USP40: variants seen among roughly 807,000 people sequenced by gnomAD.
USP40 encodes the protein ubiquitin specific peptidase 40.
In USP40, 143 loss-of-function variants were observed where a neutral mutation model predicts 166.2. The ratio of observed to expected loss-of-function variants is 0.86; its 90% CI spans 0.75 to 0.99. The LOEUF is 0.99. Among genes scored for constraint, USP40 ranks in the 50% least tolerant of loss-of-function variants. The probability of loss-of-function intolerance (pLI) is 0.00; values close to 1 mark genes in which losing one functional copy is unlikely to be tolerated. For synonymous variants in USP40, 498 were observed against 524.0 expected (o/e 0.95, Z 0.68); for missense variants, 1,444 against 1,479.7 (o/e 0.98, Z 0.40).
intron 8 of USP40, chr2:233,547,023 G>C (rs1464578482): frequency 6.6e-6 from 1 of 152,174 alleles, no homozygotes; most frequent in Admixed American, 6.5e-5. Context: ...TGAGAGCAAT[G>C]CTTGTACAGC....
rs192114579 is a variant in USP40 at position 233,560,036 on chromosome 2, T to C, written c.268-112A>G. 7.8e-5 allele frequency: 48 copies of C among 612,538 alleles called. No individual in the cohort carries two copies. In the Admixed American group the frequency reaches 8.1e-4, roughly 10 times the overall value. 37.9% of individuals were successfully genotyped at this position (612,538 alleles called of 1,614,324 possible). A position where few individuals can be genotyped will look rare whatever the true frequency, so the allele number is the denominator to read the frequency against. ...ATCTCCCAGTTCATTCAGGAGAAAGTTTATAAATATCCTATTATAAGGGAA... is the reference window on the plus strand; with the variant it reads ...ATCTCCCAGTTCATTCAGGAGAAAGCTTATAAATATCCTATTATAAGGGAA... On this transcript the variant is annotated intron_variant, in intron 3 of 31. Coordinates refer to ENST00000678225, the MANE Select transcript of USP40 (RefSeq NM_001365479.2).
At position 233,486,006 on chromosome 2, in the gene USP40, T is replaced by A; in HGVS notation, c.3198-29A>T. 1.3e-6 allele frequency: 2 copies of A among 1,541,920 alleles called. No homozygotes were observed. Among genetic ancestry groups the A allele is most frequent in the Non-Finnish European group, 1.7e-6 (2 of 1,147,868 alleles). On this transcript the variant is annotated intron_variant, in intron 28 of 31. Transcript: ENST00000678225. This position sits in a 1 kb window ranked among gnomAD's most constrained non-coding sequence, Gnocchi z 4.0. ...TACCAGAAAACCGTCAAGCGCCAGA[T>A]CCAAACAAACAAACAAAACCACGTG...
At chr2:233,554,043 A>T (rs1412478013) in intron 6 of USP40, among the ~76,000 whole-genome samples, 1 of 152,238 alleles carries the variant, frequency 6.6e-6, no homozygotes, top group Admixed American at 6.5e-5. Context: ...CTACTTTCAT[A>T]GTAGTAAAGA....
chr2:233,552,004 A>G (rs2070612166), intron 6 of USP40, among the ~76,000 whole-genome samples: 2 of 152,158 alleles, frequency 1.3e-5, no homozygotes, highest in African/African-American at 2.4e-5. Context: ...GACTTGCAAA[A>G]GGCCTCTAAC....
intron 2 of USP40, among the ~76,000 whole-genome samples, chr2:233,564,649 G>A (rs1307803441): frequency 2.0e-5 from 3 of 151,834 alleles, no homozygotes; most frequent in Non-Finnish European, 4.4e-5. Flanking sequence ...AAAATCTCTG[G>A]GTCTTTGGAA....
chr2:233,558,083 CT>C (rs1221296549), intron 4 of USP40, among the ~76,000 whole-genome samples: 7 of 150,854 alleles, frequency 4.6e-5, no homozygotes, highest in Non-Finnish European at 1.5e-5. Flanking sequence ...TCTATCTTGC[CT>C]TTTAAAATAC....
chr2:233,565,313 A>G, intron 2 of USP40, 43 bp downstream of exon 2: 1 of 1,385,720 alleles, frequency 7.2e-7, no homozygotes, highest in African/African-American at 1.4e-5. Context: ...CATGTAAAGA[A>G]GATGGTACAT....
At chr2:233,496,690 C>T in intron 24 of USP40, 68 bp downstream of exon 24, 2 of 1,349,210 alleles carry the variant, frequency 1.5e-6, no homozygotes, top group Non-Finnish European at 2.1e-6. Context: ...CTAAATGAGG[C>T]TGTATCATCT....
At chr2:233,484,278 C>T (rs539160639) in intron 30 of USP40, among the ~76,000 whole-genome samples, 5 of 152,284 alleles carry the variant, frequency 3.3e-5, no homozygotes, top group Non-Finnish European at 7.3e-5. Flanking sequence ...ACTGAATTTA[C>T]AGACTTGGGA....
At chr2:233,531,922 C>T (rs772822139) in intron 11 of USP40, among the ~76,000 whole-genome samples, 1 of 152,172 alleles carries the variant, frequency 6.6e-6, no homozygotes, top group Non-Finnish European at 1.5e-5. Context: ...GGTCTGGAGA[C>T]AGGGAACCTA....
intron 8 of USP40, chr2:233,546,105 T>TA (rs1471153854): frequency 6.6e-6 from 1 of 152,222 alleles, no homozygotes; most frequent in East Asian, 1.9e-4. Flanking sequence ...GCTAAGGTGT[T>TA]AGAGCTTCAA....
At chr2:233,534,203 T>C (rs560879404) in intron 10 of USP40, among the ~76,000 whole-genome samples, 22 of 152,162 alleles carry the variant, frequency 1.4e-4, no homozygotes, top group Non-Finnish European at 2.9e-4. Context: ...TGGGATAAGG[T>C]AGTAATTATC....
chr2:233,477,385 G>A lies in USP40; in HGVS notation c.*7C>T, dbSNP rs372824643. On this transcript the variant is annotated 3_prime_UTR_variant, in exon 32 of 32. Transcript: ENST00000678225. The stretch of plus-strand genomic sequence containing the variant: ...TTCATCGGGAGTAGAGCCGTGCAGC[G>A]GCGCGGTTATCTGAAGCTCCCCACG... 2.7e-5 allele frequency: 44 copies of A among 1,612,656 alleles called. No individual in the cohort carries two copies. The highest frequency in any genetic ancestry group is 2.2e-4 in the East Asian group (10 of 44,864).
chr2:233,516,610 C>T (rs1427387090), intron 18 of USP40, among the ~76,000 whole-genome samples: 1 of 151,838 alleles, frequency 6.6e-6, no homozygotes, highest in Non-Finnish European at 1.5e-5. Flanking sequence ...ATGGCGTGAA[C>T]CCGGGAAGCA....
At chr2:233,535,761 GA>G (rs1456997686) in intron 10 of USP40, among the ~76,000 whole-genome samples, 3 of 152,178 alleles carry the variant, frequency 2.0e-5, no homozygotes. Context: ...AAGACATGGG[GA>G]GATGATGGTC....
chr2:233,541,312 G>A (rs1399536008), intron 9 of USP40, among the ~76,000 whole-genome samples: 1 of 152,140 alleles, frequency 6.6e-6, no homozygotes, highest in Non-Finnish European at 1.5e-5. Context: ...AAGGTAAAAC[G>A]AGGCTGTTTT....
chr2:233,557,940 G>A (rs2071242638), intron 4 of USP40, among the ~76,000 whole-genome samples: 2 of 150,034 alleles, frequency 1.3e-5, no homozygotes, highest in South Asian at 2.1e-4. Context: ...TTGAACCCAG[G>A]GCTGCAGTGA....
rs570264293 is a variant in USP40, at chr2:233,562,725, A to AATC, written c.267+10_267+11insGAT. The AATC allele has an allele frequency of 0.015, 22,042 of 1,494,404 alleles. 205 individuals are homozygous for AATC. Among genetic ancestry groups the AATC allele is most frequent in the Non-Finnish European group, 0.018 (19,889 of 1,117,420 alleles). 92.6% of individuals were successfully genotyped at this position (1,494,404 alleles called of 1,614,324 possible). ...AAACTTAAAGTATAATAATAATAAT[A>AATC]ATAAAAATACCTTTGCATCGGGTTT... On this transcript the variant is annotated intron_variant, in intron 3 of 31. Coordinates refer to ENST00000678225, the MANE Select transcript of USP40 (RefSeq NM_001365479.2).
At chr2:233,501,535 A>G (rs1271925937) in intron 21 of USP40, among the ~76,000 whole-genome samples, 1 of 152,254 alleles carries the variant, frequency 6.6e-6, no homozygotes, top group Non-Finnish European at 1.5e-5. Context: ...AAGCTGATGG[A>G]TGAAATTCAT....
Sources: allele counts gnomAD v4.1 joint callset (sites outside exome capture counted in the v4.1 genomes callset), GRCh38; gene constraint gnomAD v4.1.1; non-coding constraint Gnocchi (gnomAD v3.1); transcripts MANE v1.5; gene names NCBI Gene and HGNC (gene_info 2026-07-23, HGNC 2026-07-21).